Variants in LRBA observed in about 807,000 individuals in gnomAD.
The protein encoded by LRBA is lipopolysaccharide-responsive and beige-like anchor protein.
LRBA carries 176 observed loss-of-function variants against 330.0 expected under a neutral mutation model. The observed-to-expected ratio is 0.53, with a 90% confidence interval of 0.47 to 0.60. LRBA has a LOEUF of 0.60. LRBA is among the 20% of genes least tolerant of loss of function. The probability of loss-of-function intolerance (pLI) is 0.00; values close to 1 mark genes in which losing one functional copy is unlikely to be tolerated. For missense variants in LRBA, 3,259 were observed against 3,444.8 expected (o/e 0.95, Z 1.35); for synonymous variants, 1,230 against 1,193.0 (o/e 1.03, Z -0.64).
At chr4:150,438,041 A>G (rs1751351917) in intron 44 of LRBA, among the ~76,000 whole-genome samples, 8 of 152,222 alleles carry the variant, frequency 5.3e-5, no homozygotes, top group Admixed American at 5.2e-4. Context: ...AAAGGAGTCT[A>G]AGGCTCAAAA....
At chr4:150,401,641 T>C (rs1745479311) in intron 47 of LRBA, among the ~76,000 whole-genome samples, 1 of 152,126 alleles carries the variant, frequency 6.6e-6, no homozygotes, top group South Asian at 2.1e-4. Flanking sequence ...AAATATTACA[T>C]GTTATATATC....
Position 150,900,424 on chromosome 4 carries a change from C to A in LRBA, c.1756-207G>T, listed in dbSNP as rs1365380. Among the ~76,000 whole-genome samples the A allele has an allele frequency of 0.7, 106,237 of 152,156 alleles. 42,937 individuals are homozygous for A. The highest frequency in any genetic ancestry group is 0.91 in the Non-Finnish European group (61,865 of 68,014). ...CTTATAAAACCAAACCAGGTAATTT[C>A]TTCTTTTATAGCAGCATTATCAAAT... On this transcript the variant is annotated intron_variant, in intron 13 of 56. Coordinates refer to ENST00000651943, the MANE Select transcript of LRBA (RefSeq NM_001364905.1).
chr4:150,487,722 A>G lies in LRBA; in HGVS notation c.6551+10T>C. 1.3e-6 allele frequency: 2 copies of G among 1,555,368 alleles called. No homozygotes were observed. Among genetic ancestry groups the G allele is most frequent in the Non-Finnish European group, 1.8e-6 (2 of 1,134,596 alleles). ...TTTACTTTCCCTAAGTTTCTCATATAAAACAGTACCTGGTTTGAGGCAATC... is the reference window on the plus strand; with the variant it reads ...TTTACTTTCCCTAAGTTTCTCATATGAAACAGTACCTGGTTTGAGGCAATC... On this transcript the variant is annotated intron_variant, in intron 42 of 56. Transcript: ENST00000651943.
rs186489892 is a variant in LRBA, at chr4:150,486,610, A to T, written c.6551+1122T>A. On this transcript the variant is annotated intron_variant, in intron 42 of 56. Transcript: ENST00000651943. The stretch of plus-strand genomic sequence containing the variant: ...GTCTTGTATACATCACGAAATAGCT[A>T]ATTTGAGCAAATTAATATATCCATT... 8.6e-5 allele frequency among the ~76,000 whole-genome samples: 13 copies of T among 151,988 alleles called. No homozygotes were observed. The East Asian group carries it at 2.3e-3, about 27-fold the overall frequency.
intron 28 of LRBA, among the ~76,000 whole-genome samples, chr4:150,839,169 A>G (rs1446084958): frequency 6.6e-6 from 1 of 152,228 alleles, no homozygotes; most frequent in Non-Finnish European, 1.5e-5. Flanking sequence ...AGAGAAATGC[A>G]AATCAAGACC....
At chr4:150,521,263 T>G (rs747525699) in intron 40 of LRBA, among the ~76,000 whole-genome samples, 53 of 152,152 alleles carry the variant, frequency 3.5e-4, no homozygotes, top group Non-Finnish European at 6.9e-4. Context: ...TAATTTGCTC[T>G]TCTTCTGACT....
rs747911160 is a variant in LRBA, at chr4:150,806,241, A to T, written c.5518+30T>A. On this transcript the variant is annotated intron_variant, in intron 33 of 56. Coordinates refer to ENST00000651943, the MANE Select transcript of LRBA (RefSeq NM_001364905.1). Reference sequence around the variant, plus strand: ...GTTTTTAATCCTGAAATATAAATACATACAAATAAAATAAAGAAAAACCAC... The same window carrying T: ...GTTTTTAATCCTGAAATATAAATACTTACAAATAAAATAAAGAAAAACCAC... 10 of 1,465,160 alleles carry T rather than the reference A, an allele frequency of 6.8e-6. No homozygotes were observed. The East Asian group carries it at 2.0e-4, about 29-fold the overall frequency. The allele number at this position is 1,465,160 out of a possible 1,614,324, so 90.8% of individuals were successfully genotyped here. A position where few individuals can be genotyped will look rare whatever the true frequency, so the allele number is the denominator to read the frequency against.
intron 13 of LRBA, among the ~76,000 whole-genome samples, chr4:150,905,197 A>G (rs966053397): frequency 2.0e-5 from 3 of 150,674 alleles, no homozygotes; most frequent in Non-Finnish European, 4.4e-5. Context: ...TACAAAACTG[A>G]AAAAAAAAAT....
At chr4:150,855,673 G>GA (rs760746969) in intron 22 of LRBA, among the ~76,000 whole-genome samples, 4 of 151,754 alleles carry the variant, frequency 2.6e-5, no homozygotes, top group Non-Finnish European at 4.4e-5. Context: ...ACTACAATCA[G>GA]AAAAAAATCA....
chr4:150,609,228 G>A (rs933584956), intron 37 of LRBA, among the ~76,000 whole-genome samples: 2 of 152,196 alleles, frequency 1.3e-5, no homozygotes, highest in African/African-American at 4.8e-5. Context: ...GATTGGTTCA[G>A]GAATCCAGCT....
chr4:150,723,759 G>A (rs1729269282), intron 36 of LRBA, among the ~76,000 whole-genome samples: 1 of 152,140 alleles, frequency 6.6e-6, no homozygotes, highest in Admixed American at 6.5e-5. Flanking sequence ...CTGGCTCTTG[G>A]GGTCCCAAAG....
chr4:150,700,521 G>A (rs1785018591), intron 36 of LRBA, among the ~76,000 whole-genome samples: 1 of 152,154 alleles, frequency 6.6e-6, no homozygotes, highest in Non-Finnish European at 1.5e-5. Context: ...TGAAGGTCTA[G>A]GATATTACTG....
rs1418552936 is a variant in LRBA at position 150,485,837 on chromosome 4, G to T, written c.6551+1895C>A. ...TGACTAGCTGGCTGTTTTTATTAAGGTAGTGTTTGCATGGTATACCTTTTT... is the reference window on the plus strand; with the variant it reads ...TGACTAGCTGGCTGTTTTTATTAAGTTAGTGTTTGCATGGTATACCTTTTT... On this transcript the variant is annotated intron_variant, in intron 42 of 56. Coordinates refer to ENST00000651943, the MANE Select transcript of LRBA (RefSeq NM_001364905.1). Among the ~76,000 whole-genome samples, 3 of 151,908 alleles carry T rather than the reference G, an allele frequency of 2.0e-5. No homozygotes were observed. In the East Asian group the frequency reaches 5.8e-4, roughly 29 times the overall value.
At chr4:150,499,516 T>C (rs143065353) in intron 40 of LRBA, among the ~76,000 whole-genome samples, 598 of 152,158 alleles carry the variant, frequency 3.9e-3, no homozygotes, top group Admixed American at 6.9e-3. Flanking sequence ...GGCATGTGCC[T>C]GTAGTTCCGG....
rs1175450007 is a variant in LRBA, at chr4:150,914,329, A to G, written c.1027T>C (p.Cys343Arg). ...FVNTSDTFDK[C>R]FLGSSETADA... ...GCTGTTTCTGATGAGCCCAGGAAAC[A>G]TTTGTCAAAGGTCTGTAAAAGAAAA... The change falls in exon 9 of 57, where the codon TGT (cysteine) becomes CGT (arginine). Residue 343 changes from cysteine (C) to arginine (R), a missense_variant. Physicochemically the swap from Cys to Arg is radical, Grantham distance 180. Coordinates refer to ENST00000651943, the MANE Select transcript of LRBA (RefSeq NM_001364905.1). 3.3e-6 allele frequency: 5 copies of G among 1,528,494 alleles called. No homozygotes were observed. The highest frequency in any genetic ancestry group is 3.5e-6 in the Non-Finnish European group (4 of 1,134,160). The allele number at this position is 1,528,494 out of a possible 1,614,324, so 94.7% of individuals were successfully genotyped here. A position where few individuals can be genotyped will look rare whatever the true frequency, so the allele number is the denominator to read the frequency against.
chr4:150,967,743 T>A (rs746766789), intron 2 of LRBA, among the ~76,000 whole-genome samples: 5 of 152,214 alleles, frequency 3.3e-5, no homozygotes, highest in Non-Finnish European at 7.3e-5. Flanking sequence ...ATTATTATTA[T>A]ATTTGTTATG....
rs1304563292 is a variant in LRBA, at chr4:150,848,942, T to C, written c.4215A>G (p.Thr1405=). 6.2e-7 allele frequency: 1 copy of C among 1,612,440 alleles called. No individual in the cohort carries two copies. The highest frequency in any genetic ancestry group is 1.7e-5 in the Admixed American group (1 of 59,698). ...TQGLSIEASV[T]FLQRLISLVD... is the part of the protein sequence containing the mutation. ...CAAGGCTAATTAGCCTCTGCAAAAA[T>C]GTCACAGAGGCTTCTATTGAAAGGC... Residue 1405 remains threonine, a synonymous_variant, in exon 26 of 57, where the codon ACA becomes ACG. Coordinates refer to ENST00000651943, the MANE Select transcript of LRBA (RefSeq NM_001364905.1).
chr4:150,938,206 T>A (rs1735296603), intron 2 of LRBA, among the ~76,000 whole-genome samples: 1 of 152,176 alleles, frequency 6.6e-6, no homozygotes, highest in African/African-American at 2.4e-5. Flanking sequence ...CTTTTTTCTC[T>A]GAACCTATTT....
intron 36 of LRBA, among the ~76,000 whole-genome samples, chr4:150,688,991 T>C (rs1783868260): frequency 6.6e-6 from 1 of 152,168 alleles, no homozygotes. Context: ...ATCATTCTAC[T>C]ATAAAGACAC....
Sources: gnomAD v4.1 joint callset for allele counts (sites outside exome capture counted in the v4.1 genomes callset) on GRCh38, gnomAD v4.1.1 for gene constraint, MANE v1.5 for transcripts, NCBI Gene and HGNC (gene_info 2026-07-23, HGNC 2026-07-21) for gene names.